ARHGEF17: variants seen among roughly 807,000 people sequenced by gnomAD.
The protein encoded by ARHGEF17 is Rho guanine nucleotide exchange factor 17.
A neutral mutation model predicts 174.0 loss-of-function variants in ARHGEF17; 80 were observed. The ratio of observed to expected loss-of-function variants is 0.46; its 90% CI spans 0.38 to 0.55. ARHGEF17 has a LOEUF of 0.55. Among genes scored for constraint, ARHGEF17 ranks in the 20% least tolerant of loss-of-function variants. The pLI is 0.00. For missense variants in ARHGEF17, 2,886 were observed against 2,839.7 expected, an observed-to-expected ratio of 1.02 and a Z score of -0.37; for synonymous variants, 1,311 against 1,189.1, an observed-to-expected ratio of 1.10 and a Z score of -2.11.
Position 73,357,048 on chromosome 11 carries a change from C to T in ARHGEF17, c.3915C>T (p.Asp1305=). The change falls in exon 8 of 21, where the codon GAC becomes GAT. Residue 1305 remains aspartate (D), a synonymous_variant. Transcript: ENST00000263674. The part of the protein sequence containing the change: ...IEVKAIGGKK[D]RSLFLFTDLI... ...AGAAGGCGATCGGTGGCAAGAAGGACCGGTCTCTCTTCCTGTTCACGGACC... is the reference window on the plus strand; with the variant it reads ...AGAAGGCGATCGGTGGCAAGAAGGATCGGTCTCTCTTCCTGTTCACGGACC... The T allele has an allele frequency of 6.2e-7, 1 of 1,614,208 alleles. No homozygotes were observed. The highest frequency in any genetic ancestry group is 1.1e-5 in the South Asian group (1 of 91,092).
intron 1 of ARHGEF17, among the ~76,000 whole-genome samples, chr11:73,320,628 CAAAAA>C (rs1165583721): frequency 3.5e-5 from 2 of 57,706 alleles, no homozygotes; most frequent in African/African-American, 1.3e-4. Flanking sequence ...GACTCCGTCT[CAAAAA>C]AAAAAAAAAA....
intron 1 of ARHGEF17, among the ~76,000 whole-genome samples, chr11:73,337,264 T>C (rs1176279479): frequency 6.6e-6 from 1 of 152,006 alleles, no homozygotes; most frequent in African/African-American, 2.4e-5. Flanking sequence ...TTAAATTAGC[T>C]GGGCGTGGTG....
Position 73,310,421 on chromosome 11 carries a change from G to A in ARHGEF17, c.1783G>A (p.Ala595Thr), listed in dbSNP as rs200616023. Reference protein sequence around the residue: ...LIVQDQYVQEARQVFEKIQRM... With the variant: ...LIVQDQYVQETRQVFEKIQRM... ...CGTCCAGGACCAATATGTGCAGGAG[G>A]CCCGCCAGGTTTTTGAGAAGATCCA... is the stretch of plus-strand genomic sequence containing the variant. The change falls in exon 1 of 21, where the codon GCC becomes ACC. Residue 595 changes from alanine (A) to threonine (T), a missense_variant. By Grantham distance (58) the Ala-to-Thr change is moderately conservative (BLOSUM62 0). Coordinates refer to ENST00000263674, the MANE Select transcript of ARHGEF17 (RefSeq NM_014786.4). 6.7e-4 allele frequency: 1,075 copies of A among 1,613,978 alleles called. 1 individual carries two copies. The highest frequency in any genetic ancestry group is 8.4e-4 in the Non-Finnish European group (989 of 1,180,030).
chr11:73,359,101 C>T (rs1865694017), intron 9 of ARHGEF17, among the ~76,000 whole-genome samples: 1 of 152,212 alleles, frequency 6.6e-6, no homozygotes, highest in Admixed American at 6.5e-5. Context: ...CCAGGGCTGC[C>T]TTACCATTCT....
intron 1 of ARHGEF17, among the ~76,000 whole-genome samples, chr11:73,316,262 AG>A (rs1864927898): frequency 6.6e-6 from 1 of 152,226 alleles, no homozygotes; most frequent in African/African-American, 2.4e-5. Flanking sequence ...GGCCTTTGAT[AG>A]GGTAATGCAT....
At position 73,362,163 on chromosome 11, in the gene ARHGEF17, G is replaced by A; in HGVS notation, c.4618G>A (p.Glu1540Lys). 3 of 1,601,624 alleles carry A rather than the reference G, an allele frequency of 1.9e-6. No homozygotes were observed. Among genetic ancestry groups the A allele is most frequent in the Non-Finnish European group, 2.6e-6 (3 of 1,176,262 alleles). The change falls in exon 13 of 21, where the codon GAG (glutamate) becomes AAG (lysine). Residue 1540 changes from glutamate to lysine, a missense_variant. Coordinates refer to ENST00000263674, the MANE Select transcript of ARHGEF17 (RefSeq NM_014786.4). ...LLSLRAEPDV[E>K]ACIAVCSARI... is the part of the protein sequence containing the mutation. ...GAGCCTGCGCGCCGAGCCGGACGTG[G>A]AGGCCTGCATCGCCGTCTGTTCCGC...
intron 7 of ARHGEF17, 59 bp downstream of exon 7, chr11:73,356,818 C>A: frequency 6.2e-7 from 1 of 1,608,652 alleles, no homozygotes; most frequent in Non-Finnish European, 8.5e-7. Flanking sequence ...GTCCTCTCTT[C>A]TGCTCACACC....
rs542918990 is a variant in ARHGEF17 at position 73,308,993 on chromosome 11, G to A, written c.355G>A (p.Ala119Thr). ...AAAEEAAEGP[A>T]RGAWPSVTEM... ...CGCGGAAGAAGCGGCCGAGGGCCCA[G>A]CGCGAGGAGCCTGGCCCAGCGTCAC... The change falls in exon 1 of 21, where the codon GCG (alanine) becomes ACG (threonine). Residue 119 changes from alanine to threonine, a missense_variant. Ala to Thr is a moderately conservative substitution (Grantham distance 58). This residue lies in a region of ARHGEF17 where 1,728 missense variants were observed against 1,461.2 expected (regional missense o/e 1.18). Transcript: ENST00000263674. 3.2e-5 allele frequency: 44 copies of A among 1,384,206 alleles called. No individual in the cohort carries two copies. The East Asian group carries it at 1.3e-3, about 40-fold the overall frequency. The allele number at this position is 1,384,206 out of a possible 1,614,324, so 85.7% of individuals were successfully genotyped here.
rs763776581 is a variant in ARHGEF17 at position 73,309,472 on chromosome 11, C to T, written c.834C>T (p.Asp278=). The change falls in exon 1 of 21, where the codon GAC becomes GAT. Residue 278 remains aspartate, a synonymous_variant. Coordinates refer to ENST00000263674, the MANE Select transcript of ARHGEF17 (RefSeq NM_014786.4). The part of the protein sequence containing the change: ...AYHGGHSSGS[D]DDRDGEGGHR... Reference sequence around the variant, plus strand: ...ACGGCGGCCACTCCTCGGGCAGTGACGACGACCGAGACGGTGAGGGCGGCC... The same window carrying T: ...ACGGCGGCCACTCCTCGGGCAGTGATGACGACCGAGACGGTGAGGGCGGCC... 1.9e-6 allele frequency: 3 copies of T among 1,542,762 alleles called. No homozygotes were observed. The highest frequency in any genetic ancestry group is 1.2e-5 in the South Asian group (1 of 82,140).
chr11:73,347,445 C>G (rs986933654), intron 2 of ARHGEF17, among the ~76,000 whole-genome samples: 4 of 152,152 alleles, frequency 2.6e-5, no homozygotes, highest in African/African-American at 9.7e-5. Context: ...TACGGGCACT[C>G]TAGAAACATC....
chr11:73,335,480 G>T (rs1865271607), intron 1 of ARHGEF17, among the ~76,000 whole-genome samples: 1 of 151,982 alleles, frequency 6.6e-6, no homozygotes, highest in Non-Finnish European at 1.5e-5. Context: ...TTCCTTCCCA[G>T]CCTGGAAGGT....
intron 1 of ARHGEF17, among the ~76,000 whole-genome samples, chr11:73,328,829 T>C (rs564877979): frequency 1.3e-5 from 2 of 152,080 alleles, no homozygotes; most frequent in East Asian, 3.9e-4. Flanking sequence ...GACAGGAACA[T>C]CAGGCCTGTG....
At chr11:73,363,686 G>A in intron 15 of ARHGEF17, 61 bp from the exon 16 acceptor site, 1 of 1,595,744 alleles carries the variant, frequency 6.3e-7, no homozygotes, top group Non-Finnish European at 8.6e-7. Context: ...GAGGTGGAGG[G>A]ATGACTCCAG....
At chr11:73,319,186 C>T (rs1864975334) in intron 1 of ARHGEF17, among the ~76,000 whole-genome samples, 1 of 152,114 alleles carries the variant, frequency 6.6e-6, no homozygotes, top group Non-Finnish European at 1.5e-5. Context: ...GCCTCAGCCT[C>T]CCAAGTAGCT....
At chr11:73,322,338 T>C (rs748866690) in intron 1 of ARHGEF17, among the ~76,000 whole-genome samples, 24 of 152,196 alleles carry the variant, frequency 1.6e-4, no homozygotes, top group Non-Finnish European at 2.6e-4. Flanking sequence ...GGGCCTTTAA[T>C]GCCAGAACTG....
chr11:73,339,139 C>G (rs1865330070), intron 1 of ARHGEF17, among the ~76,000 whole-genome samples: 1 of 152,206 alleles, frequency 6.6e-6, no homozygotes, highest in African/African-American at 2.4e-5. Flanking sequence ...TCCTTCACCA[C>G]CTGCATCATG....
chr11:73,341,266 A>G (rs7944099), intron 1 of ARHGEF17, among the ~76,000 whole-genome samples: 46,739 of 152,034 alleles, frequency 0.31, 9,440 homozygotes, highest in African/African-American at 0.58. Context: ...GGGCTTCCCT[A>G]AGGAGGTGAC....
At position 73,309,673 on chromosome 11, in the gene ARHGEF17, T is replaced by C. The variant is rs769002254; in HGVS notation, c.1035T>C (p.Gly345=). 1 of 1,612,874 alleles carries C rather than the reference T, an allele frequency of 6.2e-7. No individual in the cohort carries two copies. The highest frequency in any genetic ancestry group is 2.2e-5 in the East Asian group (1 of 44,870). ...GAGAAGAAGGACTCCGGGAGTGGGG[T>C]AGTGGCTCTCCGCCCTGCGTCCCAG... is the stretch of plus-strand genomic sequence containing the variant. The part of the protein sequence containing the change: ...APREEGLREW[G]SGSPPCVPGP... The change falls in exon 1 of 21, where the codon GGT becomes GGC. Residue 345 remains glycine, a synonymous_variant. Transcript: ENST00000263674.
At chr11:73,337,639 C>T (rs1001451362) in intron 1 of ARHGEF17, among the ~76,000 whole-genome samples, 3 of 152,034 alleles carry the variant, frequency 2.0e-5, no homozygotes, top group African/African-American at 7.3e-5. Context: ...AGGCTGGTCT[C>T]GAACTCCTGG....
Sources: gnomAD v4.1 joint callset for allele counts (sites outside exome capture counted in the v4.1 genomes callset) on GRCh38, gnomAD v4.1.1 for gene constraint, gnomAD v4.1.1 regional missense constraint, MANE v1.5 for transcripts, NCBI Gene and HGNC (gene_info 2026-07-23, HGNC 2026-07-21) for gene names.